The following GLCE variants were observed in gnomAD, a reference collection of about 807,000 sequenced individuals.
GLCE encodes glucuronic acid epimerase.
GLCE carries 19 observed loss-of-function variants against 47.9 expected under a neutral mutation model. That is an observed-to-expected ratio of 0.40 (90% CI 0.28 to 0.58). The LOEUF is 0.58. Ranked by LOEUF, GLCE falls within the 20% of genes least tolerant of loss-of-function variation. The pLI, the probability that GLCE is intolerant of heterozygous loss-of-function variation, is 0.48. For synonymous variants in GLCE, 245 were observed against 263.4 expected (o/e 0.93, Z 0.68); for missense variants, 556 against 743.3 (o/e 0.75, Z 2.93).
intron 2 of GLCE, among the ~76,000 whole-genome samples, chr15:69,239,303 A>G (rs1372071912): frequency 3.3e-5 from 5 of 152,216 alleles, no homozygotes; most frequent in Non-Finnish European, 7.4e-5. Context: ...CAACACAGAC[A>G]TGATGGCTGA....
intron 1 of GLCE, among the ~76,000 whole-genome samples, chr15:69,203,072 G>C (rs1190587455): frequency 6.6e-6 from 1 of 152,066 alleles, no homozygotes; most frequent in African/African-American, 2.4e-5. Context: ...TATAGAGATA[G>C]GTGGTTCAAT....
chr15:69,215,242 C>G (rs774478643), intron 2 of GLCE, among the ~76,000 whole-genome samples: 2 of 152,142 alleles, frequency 1.3e-5, no homozygotes, highest in African/African-American at 4.8e-5. Flanking sequence ...CTTCCAAGCC[C>G]CAAATCCTGG....
At chr15:69,262,799 A>C (rs1014910215) in intron 4 of GLCE, among the ~76,000 whole-genome samples, 8 of 152,174 alleles carry the variant, frequency 5.3e-5, no homozygotes, top group South Asian at 4.1e-4. Context: ...AGCTGTTCTA[A>C]GTTGGAACTC....
At chr15:69,176,216 G>GTT (rs35017106) in intron 1 of GLCE, among the ~76,000 whole-genome samples, 2,062 of 63,358 alleles carry the variant, frequency 0.033, 406 homozygotes, top group East Asian at 0.18. Flanking sequence ...GTGGAACCTT[G>GTT]TTTTTTTTTT....
intron 1 of GLCE, chr15:69,194,426 CTCT>C (rs746627109): frequency 5.3e-5 from 8 of 152,164 alleles, no homozygotes; most frequent in Non-Finnish European, 8.8e-5. Context: ...TCTCTTTTCT[CTCT>C]TCTTAGAATA....
chr15:69,233,297 A>G (rs1465189554), intron 2 of GLCE, among the ~76,000 whole-genome samples: 1 of 152,220 alleles, frequency 6.6e-6, no homozygotes, highest in African/African-American at 2.4e-5. Context: ...TGACCTCCTC[A>G]GTCACTTCTT....
intron 2 of GLCE, among the ~76,000 whole-genome samples, chr15:69,224,350 C>T (rs372382394): frequency 1.3e-5 from 2 of 152,174 alleles, no homozygotes; most frequent in East Asian, 3.8e-4. Flanking sequence ...TTTTCCTGGA[C>T]ATGCATGATC....
At chr15:69,230,914 G>A (rs1046258878) in intron 2 of GLCE, among the ~76,000 whole-genome samples, 44 of 152,090 alleles carry the variant, frequency 2.9e-4, no homozygotes, top group Admixed American at 4.6e-4. Context: ...TCTTTTCCTT[G>A]CATTTTCTAA....
chr15:69,269,512 A>T lies in GLCE; in HGVS notation c.*268A>T. 2.3e-6 allele frequency: 1 copy of T among 430,722 alleles called. No individual in the cohort carries two copies. Among genetic ancestry groups the T allele is most frequent in the Non-Finnish European group, 4.2e-6 (1 of 240,412 alleles). The allele number at this position is 430,722 out of a possible 1,614,324, so 26.7% of individuals were successfully genotyped here. A position where few individuals can be genotyped will look rare whatever the true frequency, so the allele number is the denominator to read the frequency against. On this transcript the variant is annotated 3_prime_UTR_variant, in exon 5 of 5. Transcript: ENST00000261858. The stretch of plus-strand genomic sequence containing the variant: ...CTTTGCCTTGCCCATCACCCTATAC[A>T]GTTTCGCAGATAGTCTAGTCACTCT...
chr15:69,245,831 C>A (rs1370000873), intron 2 of GLCE, among the ~76,000 whole-genome samples: 2 of 152,104 alleles, frequency 1.3e-5, no homozygotes, highest in Non-Finnish European at 2.9e-5. Flanking sequence ...TGGGTTCAAG[C>A]AATTCTCCTG....
chr15:69,206,754 C>T (rs2052157791), intron 1 of GLCE, among the ~76,000 whole-genome samples: 1 of 151,864 alleles, frequency 6.6e-6, no homozygotes, highest in South Asian at 2.1e-4. Context: ...CCACCAGGAG[C>T]CCTGGTTTCT....
At chr15:69,255,695 G>T in intron 2 of GLCE, 99 bp from the exon 3 acceptor site, 1 of 691,796 alleles carries the variant, frequency 1.4e-6, no homozygotes. Context: ...TCCTAATACA[G>T]TTGTTCAACA....
At chr15:69,173,538 GC>G (rs2051617614) in intron 1 of GLCE, among the ~76,000 whole-genome samples, 1 of 152,136 alleles carries the variant, frequency 6.6e-6, no homozygotes. Context: ...TAATGAAGAA[GC>G]CTTTTTATTT....
chr15:69,242,151 C>G (rs1383383178), intron 2 of GLCE, among the ~76,000 whole-genome samples: 9 of 152,132 alleles, frequency 5.9e-5, no homozygotes, highest in Non-Finnish European at 1.5e-5. Flanking sequence ...TGAAAAGGGC[C>G]TCACTTAATG....
At chr15:69,193,076 C>T (rs934974532) in intron 1 of GLCE, among the ~76,000 whole-genome samples, 1 of 150,414 alleles carries the variant, frequency 6.6e-6, no homozygotes, top group Non-Finnish European at 1.5e-5. Context: ...CAGGCATCTG[C>T]CCCCTCCCCC....
At chr15:69,251,900 A>G (rs748660264) in intron 2 of GLCE, among the ~76,000 whole-genome samples, 5 of 152,134 alleles carry the variant, frequency 3.3e-5, no homozygotes, top group African/African-American at 4.8e-5. Context: ...GGTATACTGA[A>G]CTTCCAATAT....
chr15:69,190,243 A>T (rs1414699403), intron 1 of GLCE, among the ~76,000 whole-genome samples: 1 of 152,086 alleles, frequency 6.6e-6, no homozygotes, highest in Non-Finnish European at 1.5e-5. Flanking sequence ...TTCCATGTGT[A>T]CTTGAAAAGA....
chr15:69,170,807 T>C (rs1595733521), intron 1 of GLCE, among the ~76,000 whole-genome samples: 1 of 152,356 alleles, frequency 6.6e-6, no homozygotes, highest in African/African-American at 2.4e-5. Flanking sequence ...CTCCTTATTA[T>C]TGAATCAGTT....
chr15:69,176,631 AC>A (rs2140335541), intron 1 of GLCE, among the ~76,000 whole-genome samples: 1 of 152,282 alleles, frequency 6.6e-6, no homozygotes, highest in South Asian at 2.1e-4. Flanking sequence ...TATAACATTA[AC>A]TTAGCATAAA....
Sources: gnomAD v4.1 joint callset for allele counts (sites outside exome capture counted in the v4.1 genomes callset) on GRCh38, gnomAD v4.1.1 for gene constraint, MANE v1.5 for transcripts, NCBI Gene and HGNC (gene_info 2026-07-23, HGNC 2026-07-21) for gene names.